CNBD1: variants seen among roughly 807,000 people sequenced by gnomAD.
CNBD1 encodes cyclic nucleotide-binding domain-containing protein 1.
Under a neutral mutation model 54.4 loss-of-function variants are expected in CNBD1, and 71 were observed. The ratio of observed to expected loss-of-function variants is 1.30; its 90% confidence interval spans 1.08 to 1.59. CNBD1 has a LOEUF of 1.59. Ranked by LOEUF, CNBD1 falls within the 40% of genes most tolerant of loss-of-function variation. The probability of loss-of-function intolerance (pLI) is 0.00; values close to 1 mark genes in which losing one functional copy is unlikely to be tolerated. For synonymous variants in CNBD1, 182 were observed against 170.7 expected, an observed-to-expected ratio of 1.07 and a Z score of -0.51; for missense variants, 659 against 518.0, an observed-to-expected ratio of 1.27 and a Z score of -2.64.
intron 4 of CNBD1, among the ~76,000 whole-genome samples, chr8:87,056,342 C>G (rs1318805957): frequency 2.0e-5 from 3 of 152,118 alleles, no homozygotes; most frequent in African/African-American, 7.2e-5. Context: ...TGCCCTGGTT[C>G]CATGGGGGCA....
intron 8 of CNBD1, among the ~76,000 whole-genome samples, chr8:87,349,001 A>T (rs1660040231): frequency 6.6e-6 from 1 of 152,142 alleles, no homozygotes; most frequent in South Asian, 2.1e-4. Flanking sequence ...TCCGAGTCTG[A>T]GTCTTGATAA....
At chr8:87,334,284 A>C (rs181238706) in intron 8 of CNBD1, among the ~76,000 whole-genome samples, 1 of 151,622 alleles carries the variant, frequency 6.6e-6, no homozygotes, top group African/African-American at 2.4e-5. Flanking sequence ...CTTCTTTATT[A>C]GTCTAGCTAG....
intron 4 of CNBD1, among the ~76,000 whole-genome samples, chr8:87,109,605 C>T (rs1811615878): frequency 7.0e-6 from 1 of 142,594 alleles, no homozygotes. Flanking sequence ...ATGGCTTGAT[C>T]TTGGCTCACT....
At chr8:87,355,173 C>G (rs997393190) in intron 10 of CNBD1, among the ~76,000 whole-genome samples, 1 of 152,192 alleles carries the variant, frequency 6.6e-6, no homozygotes, top group African/African-American at 2.4e-5. Flanking sequence ...TAGCTATACA[C>G]TGCCCCTTTT....
At chr8:87,196,558 A>C (rs1813725995) in intron 4 of CNBD1, among the ~76,000 whole-genome samples, 1 of 152,212 alleles carries the variant, frequency 6.6e-6, no homozygotes, top group African/African-American at 2.4e-5. Context: ...GTGAAAAGTC[A>C]ACAGATTTGC....
At chr8:87,115,792 A>G (rs1005486993) in intron 4 of CNBD1, among the ~76,000 whole-genome samples, 4 of 152,194 alleles carry the variant, frequency 2.6e-5, no homozygotes, top group Admixed American at 6.5e-5. Flanking sequence ...AAAAGGTCAA[A>G]GATACTGCAT....
At chr8:87,397,740 G>C (rs1049752657) in intron 2 of CNBD1, among the ~76,000 whole-genome samples, 2 of 151,868 alleles carry the variant, frequency 1.3e-5, no homozygotes, top group African/African-American at 2.4e-5. Context: ...CTAGCTCTTT[G>C]TTCCCACTCA....
intron 5 of CNBD1, among the ~76,000 whole-genome samples, chr8:87,234,346 A>G (rs960039342): frequency 2.0e-5 from 3 of 152,216 alleles, no homozygotes; most frequent in African/African-American, 7.2e-5. Context: ...CTCCATCAGA[A>G]TAATTATGTC....
At chr8:87,250,133 A>T (rs1807884353) in intron 6 of CNBD1, among the ~76,000 whole-genome samples, 1 of 152,236 alleles carries the variant, frequency 6.6e-6, no homozygotes, top group African/African-American at 2.4e-5. Context: ...ATAGCAAAAA[A>T]TGAAATAATC....
chr8:87,309,379 C>A (rs980017277), intron 8 of CNBD1, among the ~76,000 whole-genome samples: 1 of 152,048 alleles, frequency 6.6e-6, no homozygotes, highest in South Asian at 2.1e-4. Flanking sequence ...TTTCTTGGTA[C>A]CTAATATTTT....
Position 86,966,336 on chromosome 8 carries a change from T to C in CNBD1, c.431+26582T>C, listed in dbSNP as rs567856858. On this transcript the variant is annotated intron_variant, in intron 4 of 10. Coordinates refer to ENST00000518476, the MANE Select transcript of CNBD1 (RefSeq NM_173538.3). ...CAAGACTGGAGCGGGTGCTGGTGTG[T>C]CCGGAATTGGTTGCTTCCGGTCGGT... 4.0e-3 allele frequency among the ~76,000 whole-genome samples: 603 copies of C among 152,340 alleles called. 2 individuals carry two copies. The highest frequency in any genetic ancestry group is 6.6e-3 in the Non-Finnish European group (448 of 68,032).
intron 4 of CNBD1, among the ~76,000 whole-genome samples, chr8:87,203,299 A>G (rs1021243483): frequency 6.6e-6 from 1 of 152,224 alleles, no homozygotes; most frequent in Non-Finnish European, 1.5e-5. Context: ...TGATGTACAT[A>G]CATACTATTA....
intron 4 of CNBD1, among the ~76,000 whole-genome samples, chr8:86,967,555 G>T (rs1808113276): frequency 6.6e-6 from 1 of 152,202 alleles, no homozygotes; most frequent in South Asian, 2.1e-4. Context: ...CTATCTCAGA[G>T]ATTCTTTCCT....
At chr8:87,428,146 C>G (rs59242337) in intron 2 of CNBD1, among the ~76,000 whole-genome samples, 1 of 135,418 alleles carries the variant, frequency 7.4e-6, no homozygotes. Context: ...AAAAAAAAGG[C>G]AAAAAAAGAA....
intron 8 of CNBD1, among the ~76,000 whole-genome samples, chr8:87,330,308 G>T (rs1303770697): frequency 1.4e-5 from 2 of 143,334 alleles, no homozygotes; most frequent in African/African-American, 2.6e-5. Context: ...TTTTGGTTTT[G>T]TTGATTTTCT....
intron 4 of CNBD1, among the ~76,000 whole-genome samples, chr8:87,124,383 G>T (rs189816564): frequency 1.3e-3 from 191 of 151,624 alleles, no homozygotes; most frequent in Non-Finnish European, 2.4e-3. Flanking sequence ...TGTGGCAATG[G>T]TATGAAACTA....
chr8:87,313,952 G>A lies in CNBD1; in HGVS notation c.1042+27281G>A, dbSNP rs555770701. Among the ~76,000 whole-genome samples, 7 of 151,984 alleles carry A rather than the reference G, an allele frequency of 4.6e-5. No homozygotes were observed. The East Asian group carries it at 1.4e-3, about 30-fold the overall frequency. On this transcript the variant is annotated intron_variant, in intron 8 of 10. Coordinates refer to ENST00000518476, the MANE Select transcript of CNBD1 (RefSeq NM_173538.3). ...CTAGTCTAAACTGTTTTTACCTTGT[G>A]TGTTCATCTTAGAAGACTGATCACA...
chr8:87,161,779 C>A (rs1734909849), intron 4 of CNBD1, among the ~76,000 whole-genome samples: 1 of 151,962 alleles, frequency 6.6e-6, no homozygotes, highest in Admixed American at 6.6e-5. Flanking sequence ...AGCACATATC[C>A]ACATCTAAGT....
At chr8:87,057,201 G>T (rs1356889553) in intron 4 of CNBD1, among the ~76,000 whole-genome samples, 1 of 152,172 alleles carries the variant, frequency 6.6e-6, no homozygotes. Flanking sequence ...ACAAAGGAAA[G>T]AGGTTTAATT....
Sources: gnomAD v4.1 joint callset for allele counts (sites outside exome capture counted in the v4.1 genomes callset) on GRCh38, gnomAD v4.1.1 for gene constraint, MANE v1.5 for transcripts, NCBI Gene and HGNC (gene_info 2026-07-23, HGNC 2026-07-21) for gene names.